The following SYNM variants were observed in gnomAD, a reference collection of about 807,000 sequenced individuals.
SYNM encodes the protein desmuslin.
Under a neutral mutation model 104.0 loss-of-function variants are expected in SYNM, and 95 were observed. The ratio of observed to expected loss-of-function variants is 0.91; its 90% confidence interval spans 0.77 to 1.08. The LOEUF (loss-of-function observed/expected upper bound fraction) is 1.08. SYNM is among the 50% of genes least tolerant of loss of function. SYNM has a pLI of 0.00. For synonymous variants in SYNM, 918 were observed against 869.0 expected (o/e 1.06, Z -0.99); for missense variants, 2,150 against 2,052.2 (o/e 1.05, Z -0.92).
rs1555486035 is a variant in SYNM, at chr15:99,132,076, C to T, written c.3716C>T (p.Pro1239Leu). The change falls in exon 4 of 4, where the codon CCC becomes CTC. Residue 1239 changes from proline (P) to leucine (L), a missense_variant. Physicochemically the swap from Pro to Leu is moderately conservative, Grantham distance 98 (BLOSUM62 -3). Coordinates refer to ENST00000336292, the MANE Select transcript of SYNM (RefSeq NM_145728.3). Reference sequence around the variant, plus strand: ...GAAAAGGAGATTATTTTTCAGGGCCCCATTTCTGCTGCAGGGAAGGTTGGT... The same window carrying T: ...GAAAAGGAGATTATTTTTCAGGGCCTCATTTCTGCTGCAGGGAAGGTTGGT... ...HAEKEIIFQG[P>L]ISAAGKVGDY... 6.2e-7 allele frequency: 1 copy of T among 1,613,840 alleles called. No homozygotes were observed. Among genetic ancestry groups the T allele is most frequent in the Non-Finnish European group, 8.5e-7 (1 of 1,179,892 alleles).
rs1567272347 is a variant in SYNM, at chr15:99,105,914, CG to C, written c.716del (p.Arg239ProfsTer34). The C allele has an allele frequency of 6.5e-7, 1 of 1,531,592 alleles. No individual in the cohort carries two copies. The allele number at this position is 1,531,592 out of a possible 1,614,324, so 94.9% of individuals were successfully genotyped here. A position where few individuals can be genotyped will look rare whatever the true frequency, so the allele number is the denominator to read the frequency against. ...LCAQEAEALR[R>X]EALGLEQLRA... The stretch of plus-strand genomic sequence containing the variant: ...CGCGCAGGAGGCAGAGGCGCTGCGG[CG>C]CGAGGCGCTCGGGTTGGAGCAGCTG... On this transcript the variant is annotated frameshift_variant, in exon 1 of 4. Transcript: ENST00000336292. LOFTEE classifies it high-confidence loss of function.
intron 2 of SYNM, among the ~76,000 whole-genome samples, chr15:99,114,720 T>G (rs2067330878): frequency 6.6e-6 from 1 of 151,694 alleles, no homozygotes; most frequent in Non-Finnish European, 1.5e-5. Context: ...TGCAGTCCAG[T>G]CCCCCTGGGT....
intron 2 of SYNM, among the ~76,000 whole-genome samples, chr15:99,122,757 T>C (rs1335933091): frequency 1.3e-5 from 2 of 152,200 alleles, no homozygotes; most frequent in African/African-American, 4.8e-5. Flanking sequence ...GAGGATCACC[T>C]AAGCCCAGGA....
At chr15:99,124,616 T>G (rs1471858602) in intron 2 of SYNM, among the ~76,000 whole-genome samples, 4 of 152,198 alleles carry the variant, frequency 2.6e-5, no homozygotes, top group Non-Finnish European at 5.9e-5. Context: ...TTGTGCTTTC[T>G]GAAATTTGTG....
rs782294824 is a variant in SYNM at position 99,130,773 on chromosome 15, A to G, written c.2413A>G (p.Thr805Ala). 5 of 1,614,010 alleles carry G rather than the reference A, an allele frequency of 3.1e-6. No homozygotes were observed. In the Admixed American group the frequency reaches 6.7e-5, roughly 22 times the overall value. Residue 805 changes from threonine to alanine, a missense_variant, in exon 4 of 4, where the codon ACC (threonine) becomes GCC (alanine). Transcript: ENST00000336292. ...ATTCTCAGTTAATCAGCATCGAAGGACCAAGCAGCCTCAGGAGAACACGAC... is the reference window on the plus strand; with the variant it reads ...ATTCTCAGTTAATCAGCATCGAAGGGCCAAGCAGCCTCAGGAGAACACGAC... ...VTFSVNQHRR[T>A]KQPQENTTHV...
chr15:99,105,158 G>T lies in SYNM; in HGVS notation c.-42G>T. ...CGAGACCGGGACAAGACCAGGGCAG[G>T]AGGGAGCCGGCCAGCCGCGAGAACC... On this transcript the variant is annotated 5_prime_UTR_variant, in exon 1 of 4. Coordinates refer to ENST00000336292, the MANE Select transcript of SYNM (RefSeq NM_145728.3). 1 of 1,553,380 alleles carries T rather than the reference G, an allele frequency of 6.4e-7. No individual in the cohort carries two copies. The highest frequency in any genetic ancestry group is 2.4e-5 in the East Asian group (1 of 42,104).
chr15:99,110,892 C>G (rs1049996949), intron 1 of SYNM, among the ~76,000 whole-genome samples: 5 of 152,338 alleles, frequency 3.3e-5, no homozygotes, highest in Non-Finnish European at 4.4e-5. Flanking sequence ...CCACAGCTTG[C>G]TGACTGGCCA....
chr15:99,105,621 G>C lies in SYNM; in HGVS notation c.422G>C (p.Arg141Pro). The change falls in exon 1 of 4, where the codon CGC becomes CCC. Residue 141 changes from arginine (R) to proline (P), a missense_variant. Physicochemically the swap from Arg to Pro is moderately radical, Grantham distance 103. Coordinates refer to ENST00000336292, the MANE Select transcript of SYNM (RefSeq NM_145728.3). ...EALLGRLQAE[R>P]RGLDAAHERD... ...CTGCTGGGCCGGCTGCAGGCCGAGCGCCGAGGCCTCGACGCGGCCCACGAA... is the reference window on the plus strand; with the variant it reads ...CTGCTGGGCCGGCTGCAGGCCGAGCCCCGAGGCCTCGACGCGGCCCACGAA... 1 of 1,296,502 alleles carries C rather than the reference G, an allele frequency of 7.7e-7. No homozygotes were observed. The highest frequency in any genetic ancestry group is 1.6e-5 in the African/African-American group (1 of 63,208). The allele number at this position is 1,296,502 out of a possible 1,614,324, so 80.3% of individuals were successfully genotyped here. A position where few individuals can be genotyped will look rare whatever the true frequency, so the allele number is the denominator to read the frequency against.
At chr15:99,109,393 T>A (rs1427568970) in intron 1 of SYNM, among the ~76,000 whole-genome samples, 2 of 152,202 alleles carry the variant, frequency 1.3e-5, no homozygotes, top group African/African-American at 4.8e-5. Flanking sequence ...TTTTTGCTTA[T>A]GAAAGTGAGC....
Position 99,131,058 on chromosome 15 carries a change from G to A in SYNM, c.2698G>A (p.Gly900Arg), listed in dbSNP as rs1555485740. The part of the protein sequence containing the change: ...PLDVPAPSLE[G>R]DLGSTHWKEQ... ...GGATGTCCCAGCGCCCTCTCTGGAGGGGGACCTGGGTTCCACTCACTGGAA... is the reference window on the plus strand; with the variant it reads ...GGATGTCCCAGCGCCCTCTCTGGAGAGGGACCTGGGTTCCACTCACTGGAA... The change falls in exon 4 of 4, where the codon GGG becomes AGG. Residue 900 changes from glycine (G) to arginine (R), a missense_variant. Transcript: ENST00000336292. The surrounding 1 kb of genome is among the most constrained non-coding windows in gnomAD (Gnocchi z 4.3). The A allele has an allele frequency of 2.5e-6, 4 of 1,606,944 alleles. No individual in the cohort carries two copies. The South Asian group carries it at 3.3e-5, about 13-fold the overall frequency.
In SYNM at chr15:99,129,694, T is replaced by C. The variant is rs563539444; in HGVS notation, c.1334T>C (p.Phe445Ser). ...AATACTGAGGCTCAAGTGAAAACAT[T>C]CCCTGACAGACCAAAAGCCGGAGAT... Reference protein sequence around the residue: ...LRNTEAQVKTFPDRPKAGDTR... With the variant: ...LRNTEAQVKTSPDRPKAGDTR... Residue 445 changes from phenylalanine (F) to serine (S), a missense_variant, in exon 4 of 4, where the codon TTC (phenylalanine) becomes TCC (serine). Coordinates refer to ENST00000336292, the MANE Select transcript of SYNM (RefSeq NM_145728.3). 7.0e-5 allele frequency: 113 copies of C among 1,613,656 alleles called. No individual in the cohort carries two copies. The highest frequency in any genetic ancestry group is 9.0e-5 in the Non-Finnish European group (106 of 1,179,836).
chr15:99,108,251 A>G (rs148720451), intron 1 of SYNM, among the ~76,000 whole-genome samples: 8 of 152,176 alleles, frequency 5.3e-5, no homozygotes, highest in Non-Finnish European at 1.2e-4. Flanking sequence ...CTGAAATTAC[A>G]GGTGTGAGCC....
At chr15:99,106,123 G>T in intron 1 of SYNM, 114 bp downstream of exon 1, 2 of 1,158,776 alleles carry the variant, frequency 1.7e-6, no homozygotes, top group East Asian at 6.3e-5. Flanking sequence ...GTCGCGGACC[G>T]GTAGGGCCCG....
intron 2 of SYNM, among the ~76,000 whole-genome samples, chr15:99,123,847 C>T (rs986840646): frequency 2.0e-5 from 3 of 152,252 alleles, no homozygotes; most frequent in South Asian, 2.1e-4. Flanking sequence ...TGAGTCACGG[C>T]GGATTGTTCA....
chr15:99,128,281 G>GCCGCTTGC (rs1238371066), intron 3 of SYNM, among the ~76,000 whole-genome samples: 1 of 152,142 alleles, frequency 6.6e-6, no homozygotes, highest in Non-Finnish European at 1.5e-5. Flanking sequence ...AATAATGTTG[G>GCCGCTTGC]CCGCTTGCCC....
In SYNM at chr15:99,105,829, G is replaced by C. The variant is rs1313322769; in HGVS notation, c.630G>C (p.Glu210Asp). 1 of 1,542,944 alleles carries C rather than the reference G, an allele frequency of 6.5e-7. No homozygotes were observed. Among genetic ancestry groups the C allele is most frequent in the Non-Finnish European group, 8.7e-7 (1 of 1,145,882 alleles). ...ACGAGGACGAGGTGCGCGAGCTGGA[G>C]GAGGCGCTGCGGCGCGGCCAGGAGA... ...QLYEDEVREL[E>D]EALRRGQESR... The change falls in exon 1 of 4, where the codon GAG becomes GAC. Residue 210 changes from glutamate (E) to aspartate (D), a missense_variant. Transcript: ENST00000336292.
Position 99,130,320 on chromosome 15 carries a change from C to G in SYNM, c.1960C>G (p.Pro654Ala). Reference sequence around the variant, plus strand: ...TATCCTGAAGCAGTTCACTCAGTCTCCAGAGACAGAAGCATCTGCTGATTC... The same window carrying G: ...TATCCTGAAGCAGTTCACTCAGTCTGCAGAGACAGAAGCATCTGCTGATTC... ...TSILKQFTQS[P>A]ETEASADSFP... The change falls in exon 4 of 4, where the codon CCA (proline) becomes GCA (alanine). Residue 654 changes from proline to alanine, a missense_variant. By Grantham distance (27) the Pro-to-Ala change is conservative (BLOSUM62 -1). Transcript: ENST00000336292. 1 of 1,613,798 alleles carries G rather than the reference C, an allele frequency of 6.2e-7. No homozygotes were observed. Among genetic ancestry groups the G allele is most frequent in the Non-Finnish European group, 8.5e-7 (1 of 1,179,816 alleles).
the SYNM span, among the ~76,000 whole-genome samples, chr15:99,141,334 T>C: frequency 6.6e-6 from 1 of 152,156 alleles, no homozygotes; most frequent in Non-Finnish European, 1.5e-5. Flanking sequence ...ATATAATATG[T>C]ATTATAATTT....
At chr15:99,108,798 T>C (rs1012381560) in intron 1 of SYNM, among the ~76,000 whole-genome samples, 2 of 152,206 alleles carry the variant, frequency 1.3e-5, no homozygotes. Context: ...TCCGTTTCTC[T>C]CTTCTGTCTG....
Sources: allele counts gnomAD v4.1 joint callset (sites outside exome capture counted in the v4.1 genomes callset), GRCh38; gene constraint gnomAD v4.1.1; non-coding constraint Gnocchi (gnomAD v3.1); transcripts MANE v1.5; gene names NCBI Gene and HGNC (gene_info 2026-07-23, HGNC 2026-07-21).